Variants in C3 observed in about 807,000 individuals in gnomAD.
The protein encoded by C3 is complement C3, also known as C3 and PZP-like alpha-2-macroglobulin domain-containing protein 1.
A neutral mutation model predicts 207.9 loss-of-function variants in C3; 97 were observed. The observed-to-expected ratio is 0.47, with a 90% CI of 0.40 to 0.55. C3 has a LOEUF of 0.55. Ranked by LOEUF, C3 falls within the 20% of genes least tolerant of loss-of-function variation. The pLI, the probability that C3 is intolerant of heterozygous loss-of-function variation, is 0.00. For synonymous variants in C3, 848 were observed against 857.6 expected (o/e 0.99, Z 0.20); for missense variants, 1,684 against 2,171.7 (o/e 0.78, Z 4.46).
At chr19:6,697,597 C>T (rs201243617) in intron 20 of C3, 41 bp from the exon 21 acceptor site, 2 of 1,613,770 alleles carry the variant, frequency 1.2e-6, no homozygotes, top group East Asian at 2.2e-5. Context: ...GTGTGTGCAA[C>T]AGGCTACCTA....
chr19:6,706,494 T>C (rs1227490371), intron 17 of C3, among the ~76,000 whole-genome samples: 3 of 152,084 alleles, frequency 2.0e-5, no homozygotes, highest in African/African-American at 4.8e-5. Context: ...TTCTCTGACT[T>C]GATCCTCCCC....
At chr19:6,686,639 A>T in intron 28 of C3, 107 bp downstream of exon 28, 2 of 1,198,954 alleles carry the variant, frequency 1.7e-6, no homozygotes, top group Non-Finnish European at 2.5e-6. Context: ...AGCTTGGCTT[A>T]GGGTCATCTG....
Position 6,699,073 on chromosome 19 carries a change from G to C in C3, c.2441-1279C>G, listed in dbSNP as rs539187593. Reference sequence around the variant, plus strand: ...GGCCTCCCAAAGTGCTGGGATTACAGGTGTGAGCCACCGTGCCCGACCTGA... The same window carrying C: ...GGCCTCCCAAAGTGCTGGGATTACACGTGTGAGCCACCGTGCCCGACCTGA... On this transcript the variant is annotated intron_variant, in intron 19 of 40. Transcript: ENST00000245907. 2.8e-3 allele frequency among the ~76,000 whole-genome samples: 428 copies of C among 152,240 alleles called. 4 individuals carry two copies. Among genetic ancestry groups the C allele is most frequent in the African/African-American group, 0.01 (419 of 41,552 alleles).
chr19:6,684,781 G>C lies in C3; in HGVS notation c.4023C>G (p.Thr1341=). 6.2e-7 allele frequency: 1 copy of C among 1,614,180 alleles called. No homozygotes were observed. The highest frequency in any genetic ancestry group is 1.7e-4 in the Middle Eastern group (1 of 6,060). ...GTGGGTTTCTGTTCCTTACCGACAA[G>C]GTGCCTTGGCCTTTTCCTTCAGCTG... ...TVTAEGKGQG[T]LSVVTMYHAK... is the part of the protein sequence containing the mutation. The change falls in exon 31 of 41, where the codon ACC becomes ACG. Residue 1341 remains threonine (T), a synonymous_variant. Coordinates refer to ENST00000245907, the MANE Select transcript of C3 (RefSeq NM_000064.4).
At chr19:6,714,527 G>C in intron 4 of C3, 81 bp from the exon 5 acceptor site, 9 of 958,686 alleles carry the variant, frequency 9.4e-6, no homozygotes, top group Non-Finnish European at 1.5e-5. Context: ...TCCCCGACCT[G>C]TGTCTGGACA....
At chr19:6,708,172 TG>T (rs1967824494) in intron 14 of C3, among the ~76,000 whole-genome samples, 1 of 151,834 alleles carries the variant, frequency 6.6e-6, no homozygotes, top group Admixed American at 6.6e-5. Context: ...AGTCTTGCTC[TG>T]TCACCCAGGC....
chr19:6,718,353 C>G lies in C3; in HGVS notation c.327G>C (p.Gln109His), dbSNP rs957152531. 4 of 1,614,132 alleles carry G rather than the reference C, an allele frequency of 2.5e-6. No homozygotes were observed. The highest frequency in any genetic ancestry group is 2.7e-5 in the African/African-American group (2 of 74,942). Reference protein sequence around the residue: ...EKGRNKFVTVQATFGTQVVEK... With the variant: ...EKGRNKFVTVHATFGTQVVEK... ...CCACCACTTGGGTCCCGAAGGTGGC[C>G]TGCACGGTCACGAACTTGTTGCGCC... The change falls in exon 3 of 41, where the codon CAG becomes CAC. Residue 109 changes from glutamine (Q) to histidine (H), a missense_variant. Physicochemically the swap from Gln to His is conservative, Grantham distance 24. Around this residue, in one of 3 missense-constraint regions of C3, gnomAD observed 1,280 missense variants for 1,739.1 expected, o/e 0.74. Transcript: ENST00000245907.
intron 38 of C3, 130 bp from the exon 39 acceptor site, chr19:6,678,585 A>G: frequency 2.8e-6 from 2 of 711,720 alleles, no homozygotes; most frequent in South Asian, 3.2e-5. Context: ...AGCCAGTCAC[A>G]CTATGGCCCA....
At chr19:6,695,104 C>G (rs768081419) in intron 23 of C3, among the ~76,000 whole-genome samples, 10 of 151,966 alleles carry the variant, frequency 6.6e-5, no homozygotes, top group South Asian at 2.1e-4. Flanking sequence ...AACACCGTCT[C>G]TACTAAAAAT....
rs373392964 is a variant in C3 at position 6,694,454 on chromosome 19, C to G, written c.3131G>C (p.Gly1044Ala). The change falls in exon 24 of 41, where the codon GGG (glycine) becomes GCG (alanine). Residue 1044 changes from glycine (G) to alanine (A), a missense_variant. Around this residue, in one of 3 missense-constraint regions of C3, gnomAD observed 1,280 missense variants for 1,739.1 expected, o/e 0.74. Transcript: ENST00000245907. ...ACCCTTCTTGATGAGCTCCAAGGCCCCCTGCCGCTTCTCTAGGCCGAACTT... is the reference window on the plus strand; with the variant it reads ...ACCCTTCTTGATGAGCTCCAAGGCCGCCTGCCGCTTCTCTAGGCCGAACTT... ...WEKFGLEKRQ[G>A]ALELIKKGYT... 1 of 1,614,102 alleles carries G rather than the reference C, an allele frequency of 6.2e-7. No individual in the cohort carries two copies. Among genetic ancestry groups the G allele is most frequent in the African/African-American group, 1.3e-5 (1 of 75,036 alleles).
intron 17 of C3, among the ~76,000 whole-genome samples, chr19:6,703,061 G>A (rs451760): frequency 0.77 from 117,156 of 151,954 alleles, 45,224 homozygotes; most frequent in East Asian, 0.91. Context: ...CAAACAAAAA[G>A]AGAGCCGACC....
intron 17 of C3, among the ~76,000 whole-genome samples, chr19:6,705,349 T>C (rs926927971): frequency 2.0e-5 from 3 of 151,450 alleles, no homozygotes; most frequent in Non-Finnish European, 4.4e-5. Flanking sequence ...TCTTTTTTTT[T>C]TTTTCTTTTT....
At position 6,711,947 on chromosome 19, in the gene C3, A is replaced by G. The variant is rs4807895; in HGVS notation, c.1269+310T>C. Among the ~76,000 whole-genome samples, 107,984 of 152,154 alleles carry G rather than the reference A, an allele frequency of 0.71. 38,702 individuals carry two copies. The highest frequency in any genetic ancestry group is 0.8 in the African/African-American group (33,316 of 41,524). On this transcript the variant is annotated intron_variant, in intron 11 of 40. Transcript: ENST00000245907. ...AAGTGGAAGGAGCAGGGCATGCAAG[A>G]GGAAGATTCCTGTTTCCTCAAACTG...
intron 17 of C3, among the ~76,000 whole-genome samples, chr19:6,703,829 TC>T (rs1206467285): frequency 1.3e-5 from 2 of 151,820 alleles, no homozygotes; most frequent in East Asian, 3.9e-4. Context: ...GCGCCTGTAA[TC>T]CCAGCTACTC....
chr19:6,690,207 C>G (rs542915226), intron 27 of C3, among the ~76,000 whole-genome samples: 4 of 152,294 alleles, frequency 2.6e-5, no homozygotes, highest in African/African-American at 9.6e-5. Flanking sequence ...CTCTGTATCC[C>G]AAGTTTTCTT....
At chr19:6,692,539 T>C (rs560051971) in intron 26 of C3, among the ~76,000 whole-genome samples, 2 of 149,814 alleles carry the variant, frequency 1.3e-5, no homozygotes, top group Admixed American at 1.3e-4. Context: ...GCGGGGAGAG[T>C]GTTGCTTGGA....
At chr19:6,679,706 G>C (rs544200318) in intron 36 of C3, among the ~76,000 whole-genome samples, 42 of 152,080 alleles carry the variant, frequency 2.8e-4, no homozygotes, top group African/African-American at 1.0e-3. Flanking sequence ...ACTCACAGAA[G>C]CCTGGGACCC....
intron 38 of C3, among the ~76,000 whole-genome samples, chr19:6,678,737 G>A (rs556694096): frequency 6.6e-6 from 1 of 152,162 alleles, no homozygotes; most frequent in South Asian, 2.1e-4. Context: ...TGACTCATAT[G>A]CACAAAATAC....
chr19:6,681,660 A>AC (rs201468492), intron 35 of C3, among the ~76,000 whole-genome samples: 8 of 151,730 alleles, frequency 5.3e-5, no homozygotes, highest in Non-Finnish European at 7.4e-5. Context: ...TAAAAAAAAA[A>AC]CCAAAAAAAC....
Sources: allele counts gnomAD v4.1 joint callset (sites outside exome capture counted in the v4.1 genomes callset), GRCh38; gene constraint gnomAD v4.1.1; regional missense constraint gnomAD v4.1.1; transcripts MANE v1.5; gene names NCBI Gene and HGNC (gene_info 2026-07-23, HGNC 2026-07-21).